The following BCL7A variants were observed in gnomAD, a reference collection of about 807,000 sequenced individuals.
The protein encoded by BCL7A is BAF chromatin remodeling complex subunit BCL7A, also known as B-cell CLL/lymphoma 7 protein family member A.
Under a neutral mutation model 28.4 loss-of-function variants are expected in BCL7A, and 11 were observed. That is an observed-to-expected ratio of 0.39 (90% CI 0.24 to 0.64). The LOEUF (loss-of-function observed/expected upper bound fraction) is 0.64. BCL7A is among the 30% of genes least tolerant of loss of function. The pLI is 0.50. For missense variants in BCL7A, 222 were observed against 274.8 expected, an observed-to-expected ratio of 0.81 and a Z score of 1.36; for synonymous variants, 123 against 103.3, an observed-to-expected ratio of 1.19 and a Z score of -1.15.
At position 122,024,253 on chromosome 12, in the gene BCL7A, C is replaced by T. The variant is rs559678824; in HGVS notation, c.92+2070C>T. Among the ~76,000 whole-genome samples, 7 of 152,346 alleles carry T rather than the reference C, an allele frequency of 4.6e-5. No homozygotes were observed. The East Asian group carries it at 5.8e-4, about 13-fold the overall frequency. On this transcript the variant is annotated intron_variant, in intron 1 of 5. Transcript: ENST00000261822. Reference sequence around the variant, plus strand: ...TCATGGTCCAGCTTCCAGTTCACTTCGTTGCCGCGACCTTGGGCATATCAT... The same window carrying T: ...TCATGGTCCAGCTTCCAGTTCACTTTGTTGCCGCGACCTTGGGCATATCAT...
intron 1 of BCL7A, among the ~76,000 whole-genome samples, chr12:122,023,241 T>G (rs543537767): frequency 2.0e-5 from 3 of 152,226 alleles, no homozygotes; most frequent in Admixed American, 6.5e-5. Flanking sequence ...GATTTCAACT[T>G]TATTATTTTT....
In BCL7A at chr12:122,061,908, T is replaced by G. The variant is rs1951926934; in HGVS notation, c.*2745T>G. 4.7e-6 allele frequency: 1 copy of G among 214,552 alleles called. No homozygotes were observed. Among genetic ancestry groups the G allele is most frequent in the African/African-American group, 2.3e-5 (1 of 44,114 alleles). 13.3% of individuals were successfully genotyped at this position (214,552 alleles called of 1,614,324 possible). On this transcript the variant is annotated 3_prime_UTR_variant, in exon 6 of 6. Coordinates refer to ENST00000261822, the MANE Select transcript of BCL7A (RefSeq NM_001024808.3). ...CTTTTTTCACCGTTACCTAATTTTT[T>G]CCCCTTTCAAGAATTTTTTTTTTTT... is the stretch of plus-strand genomic sequence containing the variant.
At chr12:122,026,669 T>C (rs1565934419) in intron 1 of BCL7A, among the ~76,000 whole-genome samples, 1 of 152,158 alleles carries the variant, frequency 6.6e-6, no homozygotes, top group Non-Finnish European at 1.5e-5. Flanking sequence ...CAGGCAGACC[T>C]GGGCCTAGCT....
At position 122,061,084 on chromosome 12, in the gene BCL7A, G is replaced by A. The variant is rs932278925; in HGVS notation, c.*1921G>A. 42 of 226,472 alleles carry A rather than the reference G, an allele frequency of 1.9e-4. No individual in the cohort carries two copies. Among genetic ancestry groups the A allele is most frequent in the African/African-American group, 7.3e-4 (33 of 44,976 alleles). 14.0% of individuals were successfully genotyped at this position (226,472 alleles called of 1,614,324 possible). On this transcript the variant is annotated 3_prime_UTR_variant, in exon 6 of 6. Coordinates refer to ENST00000261822, the MANE Select transcript of BCL7A (RefSeq NM_001024808.3). ...GGTTCCTCTCCACGCATCTCGAGGC[G>A]GCGTTACCTCCAGATTCCGTAGAGT...
At position 122,054,904 on chromosome 12, in the gene BCL7A, C is replaced by G; in HGVS notation, c.539C>G (p.Ala180Gly). ...RQPSGDSGLA[A>G]ETSAISQDLE... ...CCGTCTGGAGACTCGGGTCTGGCCG[C>G]AGAGACGTCTGCAATCTCTCAGGTA... The change falls in exon 5 of 6, where the codon GCA becomes GGA. Residue 180 changes from alanine (A) to glycine (G), a missense_variant. Ala to Gly is a moderately conservative substitution (Grantham distance 60, BLOSUM62 0). Around this residue, in one of 2 missense-constraint regions of BCL7A, gnomAD observed 155 missense variants for 145.7 expected, o/e 1.06. Transcript: ENST00000261822. 6 of 1,614,168 alleles carry G rather than the reference C, an allele frequency of 3.7e-6. No homozygotes were observed. In the South Asian group the frequency reaches 5.5e-5, roughly 15 times the overall value.
intron 1 of BCL7A, among the ~76,000 whole-genome samples, chr12:122,030,405 G>T (rs1273754379): frequency 2.0e-5 from 3 of 152,250 alleles, no homozygotes; most frequent in Non-Finnish European, 4.4e-5. Flanking sequence ...TGACACAGGA[G>T]GAACCTGGGC....
intron 1 of BCL7A, 30 bp from the exon 2 acceptor site, chr12:122,030,670 C>T (rs373006750): frequency 6.1e-5 from 97 of 1,594,778 alleles, no homozygotes; most frequent in African/African-American, 3.1e-4. Context: ...GAAGAGTCCC[C>T]GGTAACAGGC....
chr12:122,049,827 G>C (rs146213609), intron 4 of BCL7A, among the ~76,000 whole-genome samples: 1 of 152,162 alleles, frequency 6.6e-6, no homozygotes, highest in Non-Finnish European at 1.5e-5. Flanking sequence ...CTGCGTCCCT[G>C]GAAGTGGAAC....
chr12:122,024,311 T>C (rs1883561905), intron 1 of BCL7A, among the ~76,000 whole-genome samples: 2 of 152,292 alleles, frequency 1.3e-5, no homozygotes, highest in East Asian at 3.9e-4. Context: ...ACCCGGGGTT[T>C]TGTGCTTGGC....
chr12:122,059,599 G>C lies in BCL7A; in HGVS notation c.*436G>C. On this transcript the variant is annotated 3_prime_UTR_variant, in exon 6 of 6. Transcript: ENST00000261822. The surrounding 1 kb of genome is among the most constrained non-coding windows in gnomAD (Gnocchi z 4.0). ...TTTTTTTGTGCCTTGTGCCCTTGAG[G>C]TGACCTCTGGCATGTATCCTGGTGG... 1 of 240,348 alleles carries C rather than the reference G, an allele frequency of 4.2e-6. No individual in the cohort carries two copies. The highest frequency in any genetic ancestry group is 1.6e-4 in the South Asian group (1 of 6,342). 14.9% of individuals were successfully genotyped at this position (240,348 alleles called of 1,614,324 possible). A position where few individuals can be genotyped will look rare whatever the true frequency, so the allele number is the denominator to read the frequency against.
rs763712452 is a variant in BCL7A, at chr12:122,059,673, C to T, written c.*510C>T. ...TGCCCTCTTGGTTTGGTTCGGGCGG[C>T]GGCTGCCACCCTACTCACCGCTCTC... is the stretch of plus-strand genomic sequence containing the variant. On this transcript the variant is annotated 3_prime_UTR_variant, in exon 6 of 6. Transcript: ENST00000261822. This position sits in a 1 kb window ranked among gnomAD's most constrained non-coding sequence, Gnocchi z 4.0. The T allele has an allele frequency of 6.3e-4, 146 of 232,864 alleles. No individual in the cohort carries two copies. Among genetic ancestry groups the T allele is most frequent in the Non-Finnish European group, 7.4e-4 (87 of 117,982 alleles). The allele number at this position is 232,864 out of a possible 1,614,324, so 14.4% of individuals were successfully genotyped here. A position where few individuals can be genotyped will look rare whatever the true frequency, so the allele number is the denominator to read the frequency against.
chr12:122,055,480 A>G (rs1323732767), intron 5 of BCL7A, among the ~76,000 whole-genome samples: 1 of 152,278 alleles, frequency 6.6e-6, no homozygotes, highest in East Asian at 1.9e-4. Flanking sequence ...AGCTCCCAAA[A>G]TGGGATCACG....
At chr12:122,025,946 C>CAAAAAAAAAAAAAAAAAAA (rs1204623444) in intron 1 of BCL7A, among the ~76,000 whole-genome samples, 2 of 108,196 alleles carry the variant, frequency 1.8e-5, no homozygotes, top group African/African-American at 3.3e-5. Context: ...GACTCCATCT[C>CAAAAAAAAAAAAAAAAAAA]AAAAAAAAAA....
chr12:122,022,877 C>T, intron 1 of BCL7A, among the ~76,000 whole-genome samples: 1 of 151,428 alleles, frequency 6.6e-6, no homozygotes, highest in East Asian at 2.0e-4. Flanking sequence ...GCGCCCACGT[C>T]CCACCCCGCT....
intron 4 of BCL7A, among the ~76,000 whole-genome samples, chr12:122,044,941 A>G (rs781137402): frequency 2.0e-5 from 3 of 152,104 alleles, no homozygotes; most frequent in Non-Finnish European, 2.9e-5. Flanking sequence ...GGTCTTGCTG[A>G]ATGACCTGGA....
intron 4 of BCL7A, among the ~76,000 whole-genome samples, chr12:122,045,151 C>T (rs1884046592): frequency 6.6e-6 from 1 of 152,092 alleles, no homozygotes; most frequent in African/African-American, 2.4e-5. Flanking sequence ...GAGGCCGAGG[C>T]AGGCGGATCA....
Position 122,022,061 on chromosome 12 carries a change from G to A in BCL7A, c.-31G>A. 5.2e-6 allele frequency: 8 copies of A among 1,523,964 alleles called. No homozygotes were observed. Among genetic ancestry groups the A allele is most frequent in the Non-Finnish European group, 5.3e-6 (6 of 1,132,240 alleles). 94.4% of individuals were successfully genotyped at this position (1,523,964 alleles called of 1,614,324 possible). A position where few individuals can be genotyped will look rare whatever the true frequency, so the allele number is the denominator to read the frequency against. On this transcript the variant is annotated 5_prime_UTR_variant, in exon 1 of 6. Transcript: ENST00000261822. ...AGCGCGAGCAGGACCCGGCGGGCGC[G>A]CTCCCCAGCCTCCGTCTCCCCGCCG...
intron 2 of BCL7A, among the ~76,000 whole-genome samples, chr12:122,034,200 T>TC (rs1883800911): frequency 3.5e-4 from 2 of 5,684 alleles, no homozygotes; most frequent in Admixed American, 8.3e-4. Flanking sequence ...CATATATATA[T>TC]ATATATATAT....
chr12:122,045,458 C>T (rs535767517), intron 4 of BCL7A, among the ~76,000 whole-genome samples: 27 of 152,170 alleles, frequency 1.8e-4, no homozygotes, highest in African/African-American at 6.0e-4. Flanking sequence ...CTCGTAAGGC[C>T]ACTGCCTGGC....
Sources: gnomAD v4.1 joint callset for allele counts (sites outside exome capture counted in the v4.1 genomes callset) on GRCh38, gnomAD v4.1.1 for gene constraint, gnomAD v4.1.1 regional missense constraint, Gnocchi (gnomAD v3.1) non-coding constraint, MANE v1.5 for transcripts, NCBI Gene and HGNC (gene_info 2026-07-23, HGNC 2026-07-21) for gene names.